MAPKAPK5: variants seen among roughly 807,000 people sequenced by gnomAD.
The protein encoded by MAPKAPK5 is MAP kinase-activated protein kinase 5.
Under a neutral mutation model 65.1 loss-of-function variants are expected in MAPKAPK5, and 30 were observed. The observed-to-expected ratio is 0.46, with a 90% confidence interval of 0.34 to 0.63. The LOEUF (loss-of-function observed/expected upper bound fraction) is 0.63, where lower values mean the gene tolerates loss of function less well. MAPKAPK5 is among the 20% of genes least tolerant of loss of function. The pLI is 0.01. For synonymous variants in MAPKAPK5, 179 were observed against 204.6 expected (o/e 0.87, Z 1.07); for missense variants, 433 against 581.4 (o/e 0.74, Z 2.63).
chr12:111,860,237 C>G (rs895411460), intron 1 of MAPKAPK5, among the ~76,000 whole-genome samples: 1 of 152,170 alleles, frequency 6.6e-6, no homozygotes, highest in Non-Finnish European at 1.5e-5. Context: ...GTCAAATGCT[C>G]TACTGCTGAG....
chr12:111,889,794 T>C (rs2070543661), intron 12 of MAPKAPK5: 2 of 400,164 alleles, frequency 5.0e-6, no homozygotes, highest in East Asian at 4.6e-5. Flanking sequence ...CTATTTCCCA[T>C]CCCCTGGTGC....
At position 111,869,819 on chromosome 12, in the gene MAPKAPK5, G is replaced by A. The variant is rs372256367; in HGVS notation, c.394-452G>A. ...GATGAGCAAAATGAGTTTCCAGTAT[G>A]AATTGGAAAAACCCAGTCAGCTGAT... On this transcript the variant is annotated intron_variant, in intron 5 of 13. Coordinates refer to ENST00000550735, the MANE Select transcript of MAPKAPK5 (RefSeq NM_003668.4). Among the ~76,000 whole-genome samples, 37 of 152,304 alleles carry A rather than the reference G, an allele frequency of 2.4e-4. 1 individual carries two copies. The East Asian group carries it at 2.9e-3, about 12-fold the overall frequency.
intron 1 of MAPKAPK5, 44 bp downstream of exon 1, chr12:111,842,813 G>A (rs756005182): frequency 1.5e-6 from 2 of 1,293,110 alleles, no homozygotes; most frequent in Non-Finnish European, 2.0e-6. Context: ...GTCCTGTGGC[G>A]TTCTTCTCGG....
At chr12:111,859,032 C>T (rs762331128) in intron 1 of MAPKAPK5, among the ~76,000 whole-genome samples, 1 of 147,458 alleles carries the variant, frequency 6.8e-6, no homozygotes, top group African/African-American at 2.5e-5. Context: ...CAACTACTTG[C>T]TCAATCTAGT....
In MAPKAPK5 at chr12:111,888,935, A is replaced by G; in HGVS notation, c.1151A>G (p.Glu384Gly). 1 of 1,613,168 alleles carries G rather than the reference A, an allele frequency of 6.2e-7. No homozygotes were observed. The highest frequency in any genetic ancestry group is 8.5e-7 in the Non-Finnish European group (1 of 1,179,614). The change falls in exon 12 of 14, where the codon GAG becomes GGG. Residue 384 changes from glutamate to glycine, a missense_variant. Around this residue, in one of 3 missense-constraint regions of MAPKAPK5, gnomAD observed 169 missense variants for 215.6 expected, o/e 0.78. Transcript: ENST00000550735. ...ATCCACGACCATGAGAATGGAGCCG[A>G]GGATTCCAATGTTGCCTTGGAAAAA... is the stretch of plus-strand genomic sequence containing the variant. ...VYIHDHENGA[E>G]DSNVALEKLR...
intron 1 of MAPKAPK5, among the ~76,000 whole-genome samples, chr12:111,864,485 C>T (rs980707322): frequency 2.0e-5 from 3 of 151,812 alleles, no homozygotes; most frequent in African/African-American, 7.3e-5. Context: ...CAGGTGTGAG[C>T]CCGGCCGAGA....
chr12:111,875,068 C>T (rs2069919059), intron 7 of MAPKAPK5, among the ~76,000 whole-genome samples: 1 of 152,194 alleles, frequency 6.6e-6, no homozygotes, highest in Admixed American at 6.5e-5. Flanking sequence ...TGAGCCACTG[C>T]ACCCGGCCCA....
chr12:111,844,913 G>A (rs1483120211), intron 1 of MAPKAPK5, among the ~76,000 whole-genome samples: 1 of 152,240 alleles, frequency 6.6e-6, no homozygotes, highest in Non-Finnish European at 1.5e-5. Flanking sequence ...CAGTGGGTCA[G>A]TGGAGATGAT....
At chr12:111,854,312 G>GCTCACTGCAAC (rs1373521859) in intron 1 of MAPKAPK5, among the ~76,000 whole-genome samples, 1 of 151,170 alleles carries the variant, frequency 6.6e-6, no homozygotes, top group African/African-American at 2.4e-5. Context: ...CATGATCTCA[G>GCTCACTGCAAC]CTCACTGCAA....
intron 9 of MAPKAPK5, among the ~76,000 whole-genome samples, chr12:111,884,663 T>C (rs895988779): frequency 1.6e-4 from 24 of 152,190 alleles, no homozygotes; most frequent in African/African-American, 5.3e-4. Context: ...TGCCCACCTG[T>C]GTGGGAGGCT....
chr12:111,866,919 T>C (rs1390142330), intron 3 of MAPKAPK5, among the ~76,000 whole-genome samples: 1 of 152,120 alleles, frequency 6.6e-6, no homozygotes, highest in Non-Finnish European at 1.5e-5. Flanking sequence ...TTTAAAAATA[T>C]ACATTGGGTT....
chr12:111,874,603 C>CAT (rs1240443213), intron 7 of MAPKAPK5, among the ~76,000 whole-genome samples: 7 of 148,898 alleles, frequency 4.7e-5, no homozygotes, highest in Non-Finnish European at 8.9e-5. Context: ...TCTGGGATGA[C>CAT]AGGCGCCCGC....
Position 111,896,197 on chromosome 12 carries a change from C to G in MAPKAPK5, c.*3136C>G, listed in dbSNP as rs2070807954. 1 of 151,986 alleles carries G rather than the reference C, an allele frequency of 6.6e-6. No individual in the cohort carries two copies. Among genetic ancestry groups the G allele is most frequent in the Admixed American group, 6.5e-5 (1 of 15,272 alleles). 9.4% of individuals were successfully genotyped at this position (151,986 alleles called of 1,614,324 possible). On this transcript the variant is annotated 3_prime_UTR_variant, in exon 14 of 14. Coordinates refer to ENST00000550735, the MANE Select transcript of MAPKAPK5 (RefSeq NM_003668.4). ...AAAGGCTCAGGATGATTATTTTTTC[C>G]TTCAGTGTATGCTGAATTTTAGGTG... is the stretch of plus-strand genomic sequence containing the variant.
intron 1 of MAPKAPK5, among the ~76,000 whole-genome samples, chr12:111,850,967 C>T (rs1446887183): frequency 2.0e-5 from 3 of 150,352 alleles, no homozygotes; most frequent in East Asian, 2.0e-4. Flanking sequence ...GGCACGATCG[C>T]GGCTCACTGC....
chr12:111,896,224 G>A lies in MAPKAPK5; in HGVS notation c.*3163G>A, dbSNP rs980938338. 1.3e-5 allele frequency: 2 copies of A among 152,202 alleles called. No individual in the cohort carries two copies. Among genetic ancestry groups the A allele is most frequent in the East Asian group, 1.9e-4 (1 of 5,184 alleles). 9.4% of individuals were successfully genotyped at this position (152,202 alleles called of 1,614,324 possible). ...TCAGTGTATGCTGAATTTTAGGTGC[G>A]ATGGAAAAGGTATCCAAAGTGATAC... On this transcript the variant is annotated 3_prime_UTR_variant, in exon 14 of 14. Coordinates refer to ENST00000550735, the MANE Select transcript of MAPKAPK5 (RefSeq NM_003668.4).
intron 8 of MAPKAPK5, among the ~76,000 whole-genome samples, chr12:111,881,321 G>A (rs1022780648): frequency 6.6e-6 from 1 of 151,038 alleles, no homozygotes; most frequent in Non-Finnish European, 1.5e-5. Context: ...TGATCCGCCC[G>A]CCTCGGCCTC....
intron 7 of MAPKAPK5, 197 bp from the exon 8 acceptor site, chr12:111,880,248 AGT>A: frequency 1.7e-6 from 1 of 573,302 alleles, no homozygotes; most frequent in Non-Finnish European, 3.1e-6. Context: ...CCTTGACCTG[AGT>A]ATTTCCCTGG....
At chr12:111,871,806 C>G (rs917155584) in intron 7 of MAPKAPK5, among the ~76,000 whole-genome samples, 1 of 152,336 alleles carries the variant, frequency 6.6e-6, no homozygotes, top group Middle Eastern at 3.4e-3. Context: ...ACGCCCCTCA[C>G]TTCACAAGCT....
rs147114007 is a variant in MAPKAPK5, at chr12:111,901,181, C to CACTT, written c.*8124_*8127dup. On this transcript the variant is annotated 3_prime_UTR_variant, in exon 14 of 14. Transcript: ENST00000550735. ...CTGATGAAGGAGATGTGCACAATGG[C>CACTT]ACTTACTGTGCACCAAACAAAGTCT... 39,450 of 455,958 alleles carry CACTT rather than the reference C, an allele frequency of 0.087. 2,016 individuals carry two copies. The highest frequency in any genetic ancestry group is 0.17 in the Middle Eastern group (517 of 3,070). The allele number at this position is 455,958 out of a possible 1,614,324, so 28.2% of individuals were successfully genotyped here.
Sources: allele counts gnomAD v4.1 joint callset (sites outside exome capture counted in the v4.1 genomes callset), GRCh38; gene constraint gnomAD v4.1.1; regional missense constraint gnomAD v4.1.1; transcripts MANE v1.5; gene names NCBI Gene and HGNC (gene_info 2026-07-23, HGNC 2026-07-21).